The following NCOR1 variants were observed in gnomAD, a reference collection of about 807,000 sequenced individuals.
The protein encoded by NCOR1 is nuclear receptor corepressor 1, also known as protein phosphatase 1, regulatory subunit 109.
In NCOR1, 63 loss-of-function variants were observed where a neutral mutation model predicts 288.1. The observed-to-expected ratio is 0.22, with a 90% CI of 0.18 to 0.27. The LOEUF (loss-of-function observed/expected upper bound fraction) is 0.27. Among genes scored for constraint, NCOR1 ranks in the 10% least tolerant of loss-of-function variants. The pLI is 1.00. For missense variants in NCOR1, 2,397 were observed against 3,019.2 expected (o/e 0.79, Z 4.83); for synonymous variants, 1,007 against 1,065.9 (o/e 0.94, Z 1.08).
Position 16,073,477 on chromosome 17 carries a change from T to G in NCOR1, c.3763A>C (p.Lys1255Gln). The G allele has an allele frequency of 6.2e-7, 1 of 1,612,096 alleles. No homozygotes were observed. The highest frequency in any genetic ancestry group is 8.5e-7 in the Non-Finnish European group (1 of 1,179,042). Residue 1255 changes from lysine (K) to glutamine (Q), a missense_variant, in exon 28 of 46, where the codon AAG becomes CAG. By Grantham distance (53) the Lys-to-Gln change is moderately conservative (BLOSUM62 1). Coordinates refer to ENST00000268712, the MANE Select transcript of NCOR1 (RefSeq NM_006311.4). Reference sequence around the variant, plus strand: ...GACTCCCTCATTGACATCCCTTGCTTTATATTTCCTTCCACTGATTCATAG... The same window carrying G: ...GACTCCCTCATTGACATCCCTTGCTGTATATTTCCTTCCACTGATTCATAG... ...RSYESVEGNI[K>Q]QGMSMRESPV...
Position 16,101,654 on chromosome 17 carries a change from A to G in NCOR1, c.2286T>C (p.Ser762=), listed in dbSNP as rs1442475261. The G allele has an allele frequency of 5.6e-6, 9 of 1,614,186 alleles. No homozygotes were observed. Among genetic ancestry groups the G allele is most frequent in the Non-Finnish European group, 7.6e-6 (9 of 1,180,040 alleles). ...ELEPTTETAP[S]TSPSLAVPST... is the part of the protein sequence containing the mutation. ...TTGGAACTGCTAAGGAGGGAGATGT[A>G]CTGGGTGCAGTTTCCGTGGTGGGCT... The change falls in exon 20 of 46, where the codon AGT becomes AGC. Residue 762 remains serine, a synonymous_variant. Coordinates refer to ENST00000268712, the MANE Select transcript of NCOR1 (RefSeq NM_006311.4).
chr17:16,168,191 G>A (rs943048736), intron 4 of NCOR1, among the ~76,000 whole-genome samples: 6 of 151,910 alleles, frequency 3.9e-5, no homozygotes, highest in African/African-American at 1.4e-4. Context: ...AAAAAGAAGT[G>A]GATACCTTTA....
chr17:16,062,144 ACACTGGTTC>A lies in NCOR1; in HGVS notation c.5339_5347del (p.Gly1780_Ser1782del), dbSNP rs2060610433. On this transcript the variant is annotated inframe_deletion, in exon 36 of 46. Coordinates refer to ENST00000268712, the MANE Select transcript of NCOR1 (RefSeq NM_006311.4). ...AGCAGTTGGATCCAAAGGTGTGATTACACTGGTTCCATTGGTTCCTTGGAAAACACTGGG... is the reference window on the plus strand; with the variant it reads ...AGCAGTTGGATCCAAAGGTGTGATTACATTGGTTCCTTGGAAAACACTGGG... 3 of 1,613,742 alleles carry A rather than the reference ACACTGGTTC, an allele frequency of 1.9e-6. No individual in the cohort carries two copies. Among genetic ancestry groups the A allele is most frequent in the African/African-American group, 1.3e-5 (1 of 75,014 alleles).
rs1043366405 is a variant in NCOR1 at position 16,030,505 on chromosome 17, T to A, written c.*1791A>T. 8 of 196,820 alleles carry A rather than the reference T, an allele frequency of 4.1e-5. No homozygotes were observed. The highest frequency in any genetic ancestry group is 7.4e-5 in the Non-Finnish European group (7 of 95,050). 12.2% of individuals were successfully genotyped at this position (196,820 alleles called of 1,614,324 possible). ...ATTACCAGTACCTGAAAAAAAAAAA[T>A]TCAGCAGAAAACTGTGAAGTGGAAC... On this transcript the variant is annotated 3_prime_UTR_variant, in exon 46 of 46. Coordinates refer to ENST00000268712, the MANE Select transcript of NCOR1 (RefSeq NM_006311.4).
intron 19 of NCOR1, among the ~76,000 whole-genome samples, chr17:16,104,980 G>A (rs879802793): frequency 5.3e-5 from 8 of 152,132 alleles, no homozygotes; most frequent in South Asian, 2.1e-4. Flanking sequence ...TCCTGAAGTC[G>A]GGGTTGGTTT....
chr17:16,158,310 C>CT (rs1247695630), intron 6 of NCOR1, among the ~76,000 whole-genome samples: 1 of 152,158 alleles, frequency 6.6e-6, no homozygotes, highest in Non-Finnish European at 1.5e-5. Flanking sequence ...CATAGCCCAA[C>CT]TATCGACTGT....
intron 31 of NCOR1, among the ~76,000 whole-genome samples, chr17:16,069,286 C>T (rs944262198): frequency 1.1e-4 from 17 of 152,070 alleles, no homozygotes; most frequent in Non-Finnish European, 1.9e-4. Context: ...CAGGGCAATT[C>T]GCCATCAAAA....
At chr17:16,049,109 C>A in intron 40 of NCOR1, 121 bp from the exon 41 acceptor site, 1 of 1,108,316 alleles carries the variant, frequency 9.0e-7, no homozygotes, top group South Asian at 1.9e-5. Flanking sequence ...CAATTTCTAT[C>A]AGAAAAAAAG....
At chr17:16,138,494 A>G (rs2076745481) in intron 12 of NCOR1, among the ~76,000 whole-genome samples, 1 of 152,220 alleles carries the variant, frequency 6.6e-6, no homozygotes, top group African/African-American at 2.4e-5. Context: ...CTGAGGCAGG[A>G]GAATCGCTTG....
At chr17:16,037,665 C>T (rs1349303226) in intron 44 of NCOR1, among the ~76,000 whole-genome samples, 1 of 152,162 alleles carries the variant, frequency 6.6e-6, no homozygotes, top group African/African-American at 2.4e-5. Flanking sequence ...GGAATTAATA[C>T]ACCACACAAA....
chr17:16,036,462 AAG>A (rs762667286), intron 44 of NCOR1, among the ~76,000 whole-genome samples: 2 of 152,200 alleles, frequency 1.3e-5, no homozygotes, highest in Non-Finnish European at 2.9e-5. Flanking sequence ...AGCCCCTAAC[AAG>A]AGAGTCAGCC....
intron 18 of NCOR1, among the ~76,000 whole-genome samples, chr17:16,113,884 CT>C (rs1369206742): frequency 6.6e-6 from 1 of 151,496 alleles, no homozygotes; most frequent in Non-Finnish European, 1.5e-5. Flanking sequence ...CAGGGTGAGA[CT>C]CCATCTCAAA....
chr17:16,040,599 T>A, intron 42 of NCOR1, 105 bp from the exon 43 acceptor site: 8 of 978,746 alleles, frequency 8.2e-6, no homozygotes, highest in Non-Finnish European at 1.2e-5. Flanking sequence ...TTATTTTTCA[T>A]GATCTCAACC....
At chr17:16,208,035 CT>C (rs71150278) in intron 1 of NCOR1, among the ~76,000 whole-genome samples, 1,496 of 72,528 alleles carry the variant, frequency 0.021, 6 homozygotes, top group African/African-American at 0.075. Context: ...ATATTTCTTT[CT>C]TTTTTTTTTT....
At chr17:16,036,077 T>C (rs1045119900) in intron 44 of NCOR1, among the ~76,000 whole-genome samples, 1 of 152,248 alleles carries the variant, frequency 6.6e-6, no homozygotes, top group Admixed American at 6.5e-5. Flanking sequence ...ATGGCAGCTA[T>C]TGCCTTATGA....
At chr17:16,188,546 G>A (rs762450389) in intron 2 of NCOR1, among the ~76,000 whole-genome samples, 11 of 151,924 alleles carry the variant, frequency 7.2e-5, no homozygotes, top group Non-Finnish European at 1.3e-4. Flanking sequence ...AGGAGGGGGA[G>A]GGTGCAGTGA....
intron 22 of NCOR1, chr17:16,087,076 T>C (rs924279608): frequency 2.2e-6 from 2 of 908,054 alleles, no homozygotes; most frequent in East Asian, 6.3e-5. Context: ...CAAGGACACG[T>C]CCTGGAAGAG....
At chr17:16,081,441 G>A (rs974531619) in intron 23 of NCOR1, among the ~76,000 whole-genome samples, 1 of 149,974 alleles carries the variant, frequency 6.7e-6, no homozygotes, top group African/African-American at 2.4e-5. Context: ...GGGCTTTGTG[G>A]CATTTTAACT....
At chr17:16,033,216 T>C (rs937260515) in intron 45 of NCOR1, among the ~76,000 whole-genome samples, 1 of 151,220 alleles carries the variant, frequency 6.6e-6, no homozygotes, top group South Asian at 2.1e-4. Flanking sequence ...ATGCCTGTAA[T>C]CCCAGCTAGT....
Sources: allele counts gnomAD v4.1 joint callset (sites outside exome capture counted in the v4.1 genomes callset), GRCh38; gene constraint gnomAD v4.1.1; transcripts MANE v1.5; gene names NCBI Gene and HGNC (gene_info 2026-07-23, HGNC 2026-07-21).